Variants in TMEM182 observed in about 807,000 individuals in gnomAD.
TMEM182 encodes transmembrane protein 182.
TMEM182 carries 20 observed loss-of-function variants against 26.8 expected under a neutral mutation model. The ratio of observed to expected loss-of-function variants is 0.75; its 90% confidence interval spans 0.53 to 1.09. The LOEUF is 1.09. Among genes scored for constraint, TMEM182 ranks in the 50% least tolerant of loss-of-function variants. The pLI, the probability that TMEM182 is intolerant of heterozygous loss-of-function variation, is 0.00. For missense variants in TMEM182, 277 were observed against 275.5 expected (o/e 1.01, Z -0.04); for synonymous variants, 109 against 102.2 (o/e 1.07, Z -0.40).
chr2:102,804,109 TTTTTC>T (rs941505596), intron 4 of TMEM182, among the ~76,000 whole-genome samples: 1 of 152,178 alleles, frequency 6.6e-6, no homozygotes, highest in African/African-American at 2.4e-5. Context: ...GGCTTTTCTT[TTTTTC>T]TTTTTTTTCC....
chr2:102,837,050 T>A (rs528260823), intron 3 of TMEM182, among the ~76,000 whole-genome samples: 1 of 152,250 alleles, frequency 6.6e-6, no homozygotes, highest in East Asian at 1.9e-4. Flanking sequence ...AGATGAGAGG[T>A]CTGTGTTATT....
intron 3 of TMEM182, among the ~76,000 whole-genome samples, chr2:102,784,801 T>A (rs796372705): frequency 7.2e-5 from 11 of 152,312 alleles, no homozygotes; most frequent in African/African-American, 2.6e-4. Context: ...GTCATGGTGC[T>A]GGTGGGAGTG....
chr2:102,777,718 T>A (rs951255402), intron 3 of TMEM182, among the ~76,000 whole-genome samples: 1 of 151,904 alleles, frequency 6.6e-6, no homozygotes, highest in East Asian at 1.9e-4. Flanking sequence ...ATAGGGACAA[T>A]TTTATTTCTT....
chr2:102,814,815 C>G lies in TMEM182; in HGVS notation c.537C>G (p.Ser179Arg), dbSNP rs1372153662. The change falls in exon 5 of 5, where the codon AGC becomes AGG. Residue 179 changes from serine to arginine, a missense_variant. Physicochemically the swap from Ser to Arg is moderately radical, Grantham distance 110. Coordinates refer to ENST00000412401, the MANE Select transcript of TMEM182 (RefSeq NM_144632.5). ...IWVQAVADME[S>R]YRNMKMKDCL... ...TCCAGGCAGTGGCTGACATGGAAAG[C>G]TACCGAAACATGAAAATGAAGGACT... 6.2e-7 allele frequency: 1 copy of G among 1,613,812 alleles called. No individual in the cohort carries two copies. Among genetic ancestry groups the G allele is most frequent in the African/African-American group, 1.3e-5 (1 of 75,002 alleles).
chr2:102,807,786 A>G (rs2104746862), intron 4 of TMEM182, among the ~76,000 whole-genome samples: 1 of 152,336 alleles, frequency 6.6e-6, no homozygotes, highest in Non-Finnish European at 1.5e-5. Flanking sequence ...TCACTGAAGT[A>G]GAGAAAGCCC....
intron 3 of TMEM182, among the ~76,000 whole-genome samples, chr2:102,787,782 A>C (rs2732809): frequency 0.3 from 46,290 of 152,064 alleles, 7,240 homozygotes; most frequent in South Asian, 0.42. Context: ...TGGATTCTCC[A>C]GATAGCCCTG....
intron 3 of TMEM182, among the ~76,000 whole-genome samples, chr2:102,786,119 G>T (rs1303921360): frequency 6.6e-6 from 1 of 150,472 alleles, no homozygotes; most frequent in Non-Finnish European, 1.5e-5. Flanking sequence ...TTGGGCAGGA[G>T]GATTTACAGA....
intron 3 of TMEM182, among the ~76,000 whole-genome samples, chr2:102,796,789 C>T (rs1008651535): frequency 6.6e-6 from 1 of 152,160 alleles, no homozygotes; most frequent in African/African-American, 2.4e-5. Context: ...TGAAGTGACT[C>T]CTCTTCTCAA....
Position 102,816,434 on chromosome 2 carries a change from C to G in TMEM182, c.*1466C>G. The G allele has an allele frequency of 1.0e-6, 1 of 985,004 alleles. No homozygotes were observed. Among genetic ancestry groups the G allele is most frequent in the Non-Finnish European group, 1.2e-6 (1 of 829,888 alleles). 61.0% of individuals were successfully genotyped at this position (985,004 alleles called of 1,614,324 possible). ...TACATCTTGTGCTTTTCCATTAAGA[C>G]TTGTTCCAGTGGGAAGGAGCTTTGG... On this transcript the variant is annotated 3_prime_UTR_variant, in exon 5 of 5. Transcript: ENST00000412401.
At chr2:102,777,439 A>G (rs779850064) in intron 3 of TMEM182, among the ~76,000 whole-genome samples, 4 of 152,064 alleles carry the variant, frequency 2.6e-5, no homozygotes, top group African/African-American at 9.7e-5. Context: ...TTGTCAGATT[A>G]GTTGATTATA....
chr2:102,743,553 A>G (rs193251758), intron 1 of TMEM182, among the ~76,000 whole-genome samples: 1 of 152,276 alleles, frequency 6.6e-6, no homozygotes, highest in East Asian at 1.9e-4. Context: ...GCGGAAGATT[A>G]AAGAAACAAG....
chr2:102,796,127 C>T (rs187109434), intron 3 of TMEM182, among the ~76,000 whole-genome samples: 8 of 152,260 alleles, frequency 5.3e-5, no homozygotes, highest in Admixed American at 5.2e-4. Flanking sequence ...TCCTAGATTT[C>T]TAGGAAATGA....
chr2:102,759,326 A>G (rs970541962), upstream of TMEM182, among the ~76,000 whole-genome samples: 3 of 152,140 alleles, frequency 2.0e-5, no homozygotes, highest in African/African-American at 4.8e-5. Context: ...TGCAACCACA[A>G]CCACACTAAT....
intron 3 of TMEM182, among the ~76,000 whole-genome samples, chr2:102,789,632 C>T (rs1681549628): frequency 6.6e-6 from 1 of 152,144 alleles, no homozygotes; most frequent in South Asian, 2.1e-4. Context: ...ACAATAGCTA[C>T]CTTAATTAGC....
At position 102,787,668 on chromosome 2, in the gene TMEM182, G is replaced by T. The variant is rs533193143; in HGVS notation, c.332-10195G>T. On this transcript the variant is annotated intron_variant, in intron 3 of 4. Coordinates refer to ENST00000412401, the MANE Select transcript of TMEM182 (RefSeq NM_144632.5). ...TCAGCATTTTTTCAAAATTTCTGGCGGACATAGCAGGAGGAGCCAGAATGG... is the reference window on the plus strand; with the variant it reads ...TCAGCATTTTTTCAAAATTTCTGGCTGACATAGCAGGAGGAGCCAGAATGG... Among the ~76,000 whole-genome samples, 3 of 152,150 alleles carry T rather than the reference G, an allele frequency of 2.0e-5. No homozygotes were observed. In the East Asian group the frequency reaches 5.8e-4, roughly 29 times the overall value.
intron 3 of TMEM182, among the ~76,000 whole-genome samples, chr2:102,830,868 C>T (rs1683136835): frequency 6.6e-6 from 1 of 152,142 alleles, no homozygotes. Flanking sequence ...ACTACCCTTC[C>T]CAGCCTCTGG....
chr2:102,748,351 G>T (rs1679777852), intron 1 of TMEM182, among the ~76,000 whole-genome samples: 1 of 152,156 alleles, frequency 6.6e-6, no homozygotes, highest in African/African-American at 2.4e-5. Context: ...GCTGTCATTG[G>T]TCCTACTGCT....
intron 1 of TMEM182, among the ~76,000 whole-genome samples, chr2:102,738,289 C>A (rs1558746757): frequency 6.6e-6 from 1 of 152,152 alleles, no homozygotes; most frequent in Non-Finnish European, 1.5e-5. Context: ...ACATCTCATA[C>A]ACGCCAAAAG....
At chr2:102,769,455 A>G (rs1680588767) in intron 3 of TMEM182, among the ~76,000 whole-genome samples, 1 of 152,224 alleles carries the variant, frequency 6.6e-6, no homozygotes. Flanking sequence ...GTGGACACAT[A>G]CCTTCAAACA....
Sources: gnomAD v4.1 joint callset for allele counts (sites outside exome capture counted in the v4.1 genomes callset) on GRCh38, gnomAD v4.1.1 for gene constraint, MANE v1.5 for transcripts, NCBI Gene and HGNC (gene_info 2026-07-23, HGNC 2026-07-21) for gene names.